Variants in ATP8B3 observed in about 807,000 individuals in gnomAD.
The protein encoded by ATP8B3 is ATPase phospholipid transporting 8B3, also known as phospholipid-transporting ATPase IK.
ATP8B3 carries 141 observed loss-of-function variants against 140.9 expected under a neutral mutation model. That is an observed-to-expected ratio of 1.00 (90% CI 0.87 to 1.15). The LOEUF (loss-of-function observed/expected upper bound fraction) is 1.15. Among genes scored for constraint, ATP8B3 ranks in the 50% most tolerant of loss-of-function variants. The pLI is 0.00. For synonymous variants in ATP8B3, 765 were observed against 714.6 expected (o/e 1.07, Z -1.13); for missense variants, 1,874 against 1,740.6 (o/e 1.08, Z -1.36).
At chr19:1,787,220 C>A in intron 24 of ATP8B3, 34 bp from the exon 25 acceptor site, 2 of 1,564,674 alleles carry the variant, frequency 1.3e-6, no homozygotes, top group South Asian at 2.3e-5. Flanking sequence ...GAGAACAAGT[C>A]AGCCTCCAGG....
At chr19:1,792,596 A>AAG (rs35467302) in intron 18 of ATP8B3, among the ~76,000 whole-genome samples, 2 of 146,560 alleles carry the variant, frequency 1.4e-5, no homozygotes, top group Non-Finnish European at 3.0e-5. Flanking sequence ...AAAAAAAAAA[A>AAG]TAGAAAAAAC....
chr19:1,809,681 C>A lies in ATP8B3; in HGVS notation c.364G>T (p.Glu122Ter). The A allele has an allele frequency of 1.2e-6, 2 of 1,611,486 alleles. No homozygotes were observed. The highest frequency in any genetic ancestry group is 1.7e-6 in the Non-Finnish European group (2 of 1,179,176). ...CTTTGCCAGCACAGGATCACCTTCT[C>A]CTTGAACTGCCCGTTGTAGGCACGG... ...NNRAYNGQFKEKVILCWQRKK... is the reference protein window; with the variant it reads ...NNRAYNGQFK Residue 122 changes from glutamate (E) to a stop codon, truncating the protein, a stop_gained, in exon 4 of 29, where the codon GAG (glutamate) becomes TAG (stop). Coordinates refer to ENST00000310127, the MANE Select transcript of ATP8B3 (RefSeq NM_138813.4). LOFTEE classifies it high-confidence loss of function.
At chr19:1,802,707 C>T in intron 10 of ATP8B3, 62 bp from the exon 11 acceptor site, 1 of 1,546,612 alleles carries the variant, frequency 6.5e-7, no homozygotes, top group Non-Finnish European at 8.7e-7. Flanking sequence ...AGGTTCCCTG[C>T]ACCGGGTGCA....
At chr19:1,792,609 TAGAA>T (rs1381896360) in intron 18 of ATP8B3, among the ~76,000 whole-genome samples, 2 of 122,510 alleles carry the variant, frequency 1.6e-5, no homozygotes, top group African/African-American at 3.1e-5. Flanking sequence ...GAAAAAACAA[TAGAA>T]AGAAAGCGGG....
At chr19:1,797,404 G>C (rs1051957085) in intron 14 of ATP8B3, among the ~76,000 whole-genome samples, 2 of 152,188 alleles carry the variant, frequency 1.3e-5, no homozygotes, top group Non-Finnish European at 2.9e-5. Context: ...GCCTGGAGCG[G>C]GATGCAGCCC....
chr19:1,796,040 A>C, intron 17 of ATP8B3, 37 bp downstream of exon 17: 1 of 1,611,196 alleles, frequency 6.2e-7, no homozygotes, highest in Non-Finnish European at 8.5e-7. Context: ...TGCCCGCCCC[A>C]CCTTGGGGGG....
In ATP8B3 at chr19:1,800,178, G is replaced by A. The variant is rs74997662; in HGVS notation, c.1344-23C>T. ...GACCTGCAGAGGCACTCAGGGTCACGGTCAGCCCCGCCTGCTGTGTGCCAT... is the reference window on the plus strand; with the variant it reads ...GACCTGCAGAGGCACTCAGGGTCACAGTCAGCCCCGCCTGCTGTGTGCCAT... On this transcript the variant is annotated intron_variant, in intron 13 of 28. Transcript: ENST00000310127. This position sits in a 1 kb window ranked among gnomAD's most constrained non-coding sequence, Gnocchi z 4.4. 10,816 of 1,567,234 alleles carry A rather than the reference G, an allele frequency of 6.9e-3. 642 individuals carry two copies. The African/African-American group carries it at 0.13, about 19-fold the overall frequency.
Position 1,782,949 on chromosome 19 carries a change from G to C in ATP8B3, c.*79C>G. 1 of 1,508,624 alleles carries C rather than the reference G, an allele frequency of 6.6e-7. No individual in the cohort carries two copies. The highest frequency in any genetic ancestry group is 9.0e-7 in the Non-Finnish European group (1 of 1,116,302). The allele number at this position is 1,508,624 out of a possible 1,614,324, so 93.5% of individuals were successfully genotyped here. A position where few individuals can be genotyped will look rare whatever the true frequency, so the allele number is the denominator to read the frequency against. ...GAAAATGATGAGCTAGGTGTAGGGG[G>C]GAGCTGTACTTCCTGGGAGGACACC... On this transcript the variant is annotated 3_prime_UTR_variant, in exon 29 of 29. Transcript: ENST00000310127.
Position 1,782,318 on chromosome 19 carries a change from G to A in ATP8B3, c.*710C>T, listed in dbSNP as rs370585383. 6.5e-4 allele frequency: 222 copies of A among 340,822 alleles called. 4 individuals carry two copies. The South Asian group carries it at 0.015, about 23-fold the overall frequency. 21.1% of individuals were successfully genotyped at this position (340,822 alleles called of 1,614,324 possible). A position where few individuals can be genotyped will look rare whatever the true frequency, so the allele number is the denominator to read the frequency against. On this transcript the variant is annotated 3_prime_UTR_variant, in exon 29 of 29. Transcript: ENST00000310127. ...TCACTGCTGAACCCTGGTCCCCTCC[G>A]CAGAGGGCAATGACTGCTCCTCTGG...
intron 10 of ATP8B3, among the ~76,000 whole-genome samples, chr19:1,804,021 G>A (rs1393798283): frequency 3.3e-5 from 5 of 152,126 alleles, no homozygotes; most frequent in Non-Finnish European, 5.9e-5. Flanking sequence ...ACAGACAGAT[G>A]GGGAAAACCT....
In ATP8B3 at chr19:1,793,868, G is replaced by A. The variant is rs1038394205; in HGVS notation, c.2056-1733C>T. Among the ~76,000 whole-genome samples, 5 of 147,836 alleles carry A rather than the reference G, an allele frequency of 3.4e-5. No homozygotes were observed. In the East Asian group the frequency reaches 6.0e-4, roughly 18 times the overall value. ...AGCGATTCTCCTGCCTCAGCCTCCCGAGTAGCTGAGACTACAGGCCTGCAC... is the reference window on the plus strand; with the variant it reads ...AGCGATTCTCCTGCCTCAGCCTCCCAAGTAGCTGAGACTACAGGCCTGCAC... On this transcript the variant is annotated intron_variant, in intron 18 of 28. Coordinates refer to ENST00000310127, the MANE Select transcript of ATP8B3 (RefSeq NM_138813.4).
intron 18 of ATP8B3, among the ~76,000 whole-genome samples, chr19:1,793,746 A>G (rs1016452877): frequency 3.3e-5 from 5 of 151,060 alleles, no homozygotes; most frequent in Non-Finnish European, 5.9e-5. Flanking sequence ...ATTTATTTTT[A>G]TTTATTTATT....
At chr19:1,797,671 T>C (rs2068724372) in intron 14 of ATP8B3, among the ~76,000 whole-genome samples, 2 of 151,626 alleles carry the variant, frequency 1.3e-5, no homozygotes, top group Admixed American at 1.3e-4. Flanking sequence ...GGCTCATTTT[T>C]GTATTTTTAG....
At chr19:1,799,733 C>T (rs914145160) in intron 14 of ATP8B3, 6 of 601,716 alleles carry the variant, frequency 1.0e-5, no homozygotes, top group Non-Finnish European at 1.8e-5. Context: ...CACTGCATTC[C>T]TGCCTGGGTA....
Position 1,787,299 on chromosome 19 carries a change from C to T in ATP8B3, c.3070-113G>A. 7.3e-6 allele frequency: 6 copies of T among 819,336 alleles called. No homozygotes were observed. The South Asian group carries it at 9.3e-5, about 13-fold the overall frequency. The allele number at this position is 819,336 out of a possible 1,614,324, so 50.8% of individuals were successfully genotyped here. ...GTGAGGTAACTCTGGTCGAGTTACACTCAAGGTTGGGGCTGGGACTGGGGT... is the reference window on the plus strand; with the variant it reads ...GTGAGGTAACTCTGGTCGAGTTACATTCAAGGTTGGGGCTGGGACTGGGGT... On this transcript the variant is annotated intron_variant, in intron 24 of 28. Coordinates refer to ENST00000310127, the MANE Select transcript of ATP8B3 (RefSeq NM_138813.4).
intron 12 of ATP8B3, among the ~76,000 whole-genome samples, chr19:1,801,257 T>A (rs1467230197): frequency 4.6e-5 from 7 of 151,970 alleles, no homozygotes; most frequent in Non-Finnish European, 1.0e-4. Flanking sequence ...GTTCAAGCGA[T>A]TCTCCTGCCT....
rs375946219 is a variant in ATP8B3 at position 1,800,097 on chromosome 19, A to T, written c.1402T>A (p.Tyr468Asn). 6.4e-6 allele frequency: 10 copies of T among 1,571,778 alleles called. No individual in the cohort carries two copies. The highest frequency in any genetic ancestry group is 1.4e-5 in the African/African-American group (1 of 73,880). ...TTGGCAGGCACGTCCTGCGGCTTGT[A>T]GTACATCTGCACGTCCCAGTCGATG... The part of the protein sequence containing the change: ...VFIDWDVQMY[Y>N]KPQDVPAKAR... The change falls in exon 14 of 29, where the codon TAC (tyrosine) becomes AAC (asparagine). Residue 468 changes from tyrosine (Y) to asparagine (N), a missense_variant. Physicochemically the swap from Tyr to Asn is moderately radical, Grantham distance 143. Coordinates refer to ENST00000310127, the MANE Select transcript of ATP8B3 (RefSeq NM_138813.4). This position sits in a 1 kb window ranked among gnomAD's most constrained non-coding sequence, Gnocchi z 4.4.
At position 1,808,236 on chromosome 19, in the gene ATP8B3, T is replaced by A; in HGVS notation, c.502A>T (p.Ile168Phe). ...HRVSNLFFLI[I>F]IILQSIPDIS... ...ACACGCCTCACCTGCAGGATGATGATGATGAGGAAGAACAGGTTGGACACG... is the reference window on the plus strand; with the variant it reads ...ACACGCCTCACCTGCAGGATGATGAAGATGAGGAAGAACAGGTTGGACACG... The change falls in exon 5 of 29, where the codon ATC becomes TTC. Residue 168 changes from isoleucine to phenylalanine, a missense_variant. Transcript: ENST00000310127. 1 of 1,611,216 alleles carries A rather than the reference T, an allele frequency of 6.2e-7. No individual in the cohort carries two copies. Among genetic ancestry groups the A allele is most frequent in the Non-Finnish European group, 8.5e-7 (1 of 1,178,304 alleles).
rs374897856 is a variant in ATP8B3 at position 1,784,960 on chromosome 19, G to A, written c.3533-14C>T. Reference sequence around the variant, plus strand: ...TGAGGTCGGCATCTGGGGACAGGGCGGGGTCACAGCAGAGCCTACCCCCAG... The same window carrying A: ...TGAGGTCGGCATCTGGGGACAGGGCAGGGTCACAGCAGAGCCTACCCCCAG... On this transcript the variant is annotated splice_polypyrimidine_tract_variant and intron_variant, in intron 27 of 28. Coordinates refer to ENST00000310127, the MANE Select transcript of ATP8B3 (RefSeq NM_138813.4). 2.6e-5 allele frequency: 41 copies of A among 1,601,346 alleles called. No homozygotes were observed. Among genetic ancestry groups the A allele is most frequent in the Admixed American group, 8.4e-5 (5 of 59,322 alleles).
Sources: allele counts gnomAD v4.1 joint callset (sites outside exome capture counted in the v4.1 genomes callset), GRCh38; gene constraint gnomAD v4.1.1; non-coding constraint Gnocchi (gnomAD v3.1); transcripts MANE v1.5; gene names NCBI Gene and HGNC (gene_info 2026-07-23, HGNC 2026-07-21).